PPIP5K2: variants seen among roughly 807,000 people sequenced by gnomAD.
PPIP5K2 encodes the protein inositol hexakisphosphate and diphosphoinositol-pentakisphosphate kinase 2.
Under a neutral mutation model 154.6 loss-of-function variants are expected in PPIP5K2, and 105 were observed. That is an observed-to-expected ratio of 0.68 (90% CI 0.58 to 0.80). The LOEUF is 0.80. Ranked by LOEUF, PPIP5K2 falls within the 30% of genes least tolerant of loss-of-function variation. The probability of loss-of-function intolerance (pLI) is 0.00; values close to 1 mark genes in which losing one functional copy is unlikely to be tolerated. For missense variants in PPIP5K2, 992 were observed against 1,504.6 expected (o/e 0.66, Z 5.64); for synonymous variants, 480 against 490.3 (o/e 0.98, Z 0.28).
intron 1 of PPIP5K2, among the ~76,000 whole-genome samples, chr5:103,123,247 C>A (rs1789081890): frequency 1.3e-5 from 2 of 152,098 alleles, no homozygotes; most frequent in Admixed American, 6.5e-5. Flanking sequence ...ATTCATAATC[C>A]CATTTTACAG....
rs782289957 is a variant in PPIP5K2, at chr5:103,177,820, G to A, written c.2638-44G>A. 12 of 1,595,924 alleles carry A rather than the reference G, an allele frequency of 7.5e-6. No homozygotes were observed. The South Asian group carries it at 1.2e-4, about 16-fold the overall frequency. On this transcript the variant is annotated intron_variant, in intron 22 of 30. Transcript: ENST00000358359. ...GTGTTTTACCAGACATAAATAAAGA[G>A]CTTAAAGTTTCTCATTTTGAAAATG...
At chr5:103,157,292 T>C (rs1795554130) in intron 14 of PPIP5K2, among the ~76,000 whole-genome samples, 1 of 152,186 alleles carries the variant, frequency 6.6e-6, no homozygotes, top group Non-Finnish European at 1.5e-5. Context: ...GGTATTTTCT[T>C]TGTTCAAGAA....
Position 103,209,048 on chromosome 5 carries a change from T to C in PPIP5K2, c.*7414T>C, listed in dbSNP as rs1207640924. On this transcript the variant is annotated 3_prime_UTR_variant, in exon 31 of 31. Coordinates refer to ENST00000358359, the MANE Select transcript of PPIP5K2 (RefSeq NM_001276277.3). ...TTAGACTGCCCATCTCAATTATATT[T>C]TAAAAATGAAGTTAATATCTGTCCT... 3 of 152,192 alleles carry C rather than the reference T, an allele frequency of 2.0e-5. No homozygotes were observed. The highest frequency in any genetic ancestry group is 1.3e-4 in the Admixed American group (2 of 15,276). 9.4% of individuals were successfully genotyped at this position (152,192 alleles called of 1,614,324 possible). A position where few individuals can be genotyped will look rare whatever the true frequency, so the allele number is the denominator to read the frequency against.
chr5:103,137,637 CACCAG>C (rs1791763803), intron 4 of PPIP5K2, among the ~76,000 whole-genome samples: 1 of 152,086 alleles, frequency 6.6e-6, no homozygotes, highest in Non-Finnish European at 1.5e-5. Flanking sequence ...CTCATAATCT[CACCAG>C]CATTCTATTT....
intron 14 of PPIP5K2, among the ~76,000 whole-genome samples, chr5:103,156,833 A>C (rs559089891): frequency 6.6e-6 from 1 of 152,308 alleles, no homozygotes; most frequent in South Asian, 2.1e-4. Context: ...AAGATTATCT[A>C]TAGGGATATT....
At chr5:103,157,607 G>A (rs760626498) in intron 14 of PPIP5K2, among the ~76,000 whole-genome samples, 7 of 151,368 alleles carry the variant, frequency 4.6e-5, no homozygotes, top group Non-Finnish European at 7.4e-5. Context: ...GTGAAACCCC[G>A]TCTCTACTAA....
chr5:103,183,662 T>G (rs1580405035), intron 25 of PPIP5K2, among the ~76,000 whole-genome samples: 4 of 152,306 alleles, frequency 2.6e-5, no homozygotes, highest in Admixed American at 2.6e-4. Flanking sequence ...CAATAGATGT[T>G]ATTCTCCTGG....
chr5:103,156,510 G>A (rs920478416), intron 14 of PPIP5K2, among the ~76,000 whole-genome samples: 2 of 152,182 alleles, frequency 1.3e-5, no homozygotes, highest in Non-Finnish European at 2.9e-5. Flanking sequence ...CAAAAGAAAA[G>A]GGTAGGGATT....
rs782391842 is a variant in PPIP5K2, at chr5:103,194,949, A to G, written c.3543A>G (p.Leu1181=). 22 of 1,613,486 alleles carry G rather than the reference A, an allele frequency of 1.4e-5. No individual in the cohort carries two copies. The highest frequency in any genetic ancestry group is 1.8e-5 in the Non-Finnish European group (21 of 1,179,608). Reference sequence around the variant, plus strand: ...CAATAATGAGAAAAAAAGTATCTTTAAATACGTATACACCTGCAAAGATCC... The same window carrying G: ...CAATAATGAGAAAAAAAGTATCTTTGAATACGTATACACCTGCAAAGATCC... ...SSPIMRKKVS[L]NTYTPAKILP... Residue 1181 remains leucine, a synonymous_variant, in exon 30 of 31, where the codon TTA becomes TTG. Coordinates refer to ENST00000358359, the MANE Select transcript of PPIP5K2 (RefSeq NM_001276277.3).
At chr5:103,133,745 CATT>C in intron 3 of PPIP5K2, 97 bp downstream of exon 3, 1 of 989,284 alleles carries the variant, frequency 1.0e-6, no homozygotes, top group Non-Finnish European at 1.4e-6. Context: ...GAAAAATAAA[CATT>C]AACTCACTTT....
Position 103,146,510 on chromosome 5 carries a change from T to C in PPIP5K2, c.488-17T>C. ...TAAGAATATGTGATATTTCTTGCAATCGTGTTTGTTTTATAGAATGTAATC... is the reference window on the plus strand; with the variant it reads ...TAAGAATATGTGATATTTCTTGCAACCGTGTTTGTTTTATAGAATGTAATC... On this transcript the variant is annotated splice_polypyrimidine_tract_variant and intron_variant, in intron 5 of 30. Transcript: ENST00000358359. 1 of 1,603,488 alleles carries C rather than the reference T, an allele frequency of 6.2e-7. No individual in the cohort carries two copies. The highest frequency in any genetic ancestry group is 8.5e-7 in the Non-Finnish European group (1 of 1,175,276).
intron 5 of PPIP5K2, among the ~76,000 whole-genome samples, chr5:103,145,453 A>G (rs1793602318): frequency 6.6e-6 from 1 of 152,122 alleles, no homozygotes; most frequent in Non-Finnish European, 1.5e-5. Flanking sequence ...ACTCATGTTT[A>G]TTGCAGCACC....
chr5:103,146,748 T>A, intron 6 of PPIP5K2, 67 bp downstream of exon 6: 1 of 1,337,688 alleles, frequency 7.5e-7, no homozygotes, highest in Non-Finnish European at 1.0e-6. Context: ...TTAAAAGCAA[T>A]CAAGCATTTA....
intron 30 of PPIP5K2, among the ~76,000 whole-genome samples, chr5:103,195,239 A>G (rs1305689594): frequency 6.6e-6 from 1 of 152,172 alleles, no homozygotes; most frequent in Non-Finnish European, 1.5e-5. Flanking sequence ...TTAACAAAAT[A>G]TATTTCACAG....
intron 13 of PPIP5K2, 152 bp from the exon 14 acceptor site, chr5:103,155,757 A>C (rs1440009780): frequency 1.6e-6 from 1 of 637,504 alleles, no homozygotes; most frequent in Non-Finnish European, 2.7e-6. Flanking sequence ...TTTTGTTTTT[A>C]ATGTGGTTAG....
chr5:103,204,741 A>G lies in PPIP5K2; in HGVS notation c.*3107A>G, dbSNP rs1554231736. The G allele has an allele frequency of 6.6e-6, 1 of 152,148 alleles. No individual in the cohort carries two copies. Among genetic ancestry groups the G allele is most frequent in the East Asian group, 1.9e-4 (1 of 5,196 alleles). The allele number at this position is 152,148 out of a possible 1,614,324, so 9.4% of individuals were successfully genotyped here. On this transcript the variant is annotated 3_prime_UTR_variant, in exon 31 of 31. Transcript: ENST00000358359. The stretch of plus-strand genomic sequence containing the variant: ...TGTAAAGTGTTGTTTATATAGGTCA[A>G]TTTTTGTGGAAGATCTAATTTCTAT...
chr5:103,137,572 A>G (rs1265564710), intron 4 of PPIP5K2, among the ~76,000 whole-genome samples: 7 of 152,172 alleles, frequency 4.6e-5, no homozygotes, highest in Non-Finnish European at 1.5e-5. Context: ...TAAATTATAA[A>G]ATATGAGTGT....
At chr5:103,189,175 C>T in intron 28 of PPIP5K2, 2 of 1,529,860 alleles carry the variant, frequency 1.3e-6, no homozygotes, top group Non-Finnish European at 1.8e-6. Context: ...AGAACACCTA[C>T]ACCTCTATAG....
At chr5:103,160,828 C>A (rs1383848425) in intron 17 of PPIP5K2, among the ~76,000 whole-genome samples, 1 of 151,954 alleles carries the variant, frequency 6.6e-6, no homozygotes, top group South Asian at 2.1e-4. Flanking sequence ...TGGTATGGCA[C>A]CTGTGCAATG....
Sources: allele counts gnomAD v4.1 joint callset (sites outside exome capture counted in the v4.1 genomes callset), GRCh38; gene constraint gnomAD v4.1.1; transcripts MANE v1.5; gene names NCBI Gene and HGNC (gene_info 2026-07-23, HGNC 2026-07-21).